Variants in AKR1C3 observed in about 807,000 individuals in gnomAD.
AKR1C3 encodes 3-alpha hydroxysteroid dehydrogenase, type II.
A neutral mutation model predicts 43.6 loss-of-function variants in AKR1C3; 48 were observed. The observed-to-expected ratio is 1.10, with a 90% CI of 0.87 to 1.40. The LOEUF (loss-of-function observed/expected upper bound fraction) is 1.40, where lower values mean the gene tolerates loss of function less well. AKR1C3 is among the 40% of genes most tolerant of loss of function. The pLI, the probability that AKR1C3 is intolerant of heterozygous loss-of-function variation, is 0.00. For missense variants in AKR1C3, 482 were observed against 391.2 expected, an observed-to-expected ratio of 1.23 and a Z score of -1.96; for synonymous variants, 162 against 139.6, an observed-to-expected ratio of 1.16 and a Z score of -1.13.
chr10:5,067,312 A>G (rs1463250105), intron 1 of AKR1C3, among the ~76,000 whole-genome samples: 2 of 152,220 alleles, frequency 1.3e-5, no homozygotes, highest in African/African-American at 2.4e-5. Flanking sequence ...TAACTTGGGA[A>G]AAGATATTCA....
rs1838392056 is a variant in AKR1C3, at chr10:5,061,952, T to C, written c.84+13057T>C. On this transcript the variant is annotated intron_variant, in intron 1 of 8. Transcript: ENST00000439082. ...ATCTAATAAAGCAAACTCTCCAAAATCCCAAAAATCTTTTGGAAACAGTGT... is the reference window on the plus strand; with the variant it reads ...ATCTAATAAAGCAAACTCTCCAAAACCCCAAAAATCTTTTGGAAACAGTGT... Among the ~76,000 whole-genome samples, 5 of 152,192 alleles carry C rather than the reference T, an allele frequency of 3.3e-5. No homozygotes were observed. In the South Asian group the frequency reaches 1.0e-3, roughly 32 times the overall value.
At chr10:5,097,362 C>T (rs1564369012) in intron 2 of AKR1C3, 72 bp from the exon 3 acceptor site, 7 of 1,551,698 alleles carry the variant, frequency 4.5e-6, no homozygotes, top group South Asian at 1.2e-5. Flanking sequence ...TATCTAAATA[C>T]TAGATGGCAC....
At chr10:5,061,139 G>A (rs555092592) in intron 1 of AKR1C3, among the ~76,000 whole-genome samples, 32 of 152,330 alleles carry the variant, frequency 2.1e-4, no homozygotes, top group South Asian at 1.7e-3. Context: ...CAGTGTGGGC[G>A]CCAAGGCCAA....
In AKR1C3 at chr10:5,105,655, C is replaced by T. The variant is rs1554787069; in HGVS notation, c.907C>T (p.Leu303Phe). 1.9e-6 allele frequency: 3 copies of T among 1,613,644 alleles called. No individual in the cohort carries two copies. The highest frequency in any genetic ancestry group is 2.5e-6 in the Non-Finnish European group (3 of 1,179,638). The change falls in exon 8 of 9, where the codon CTC becomes TTC. Residue 303 changes from leucine (L) to phenylalanine (F), a missense_variant. Coordinates refer to ENST00000380554, the MANE Select transcript of AKR1C3 (RefSeq NM_003739.6). ...MKAIDGLDRN[L>F]HYFNSDSFAS... ...AGCCATAGATGGCCTAGACAGAAAT[C>T]TCCACTATTTTAACAGTGATAGGTA...
At chr10:5,075,632 T>C (rs1838700549) in intron 1 of AKR1C3, among the ~76,000 whole-genome samples, 2 of 152,142 alleles carry the variant, frequency 1.3e-5, no homozygotes, top group South Asian at 2.1e-4. Flanking sequence ...CCCAGCACTT[T>C]GGGAGGCTGA....
At chr10:5,085,433 A>G (rs1180774864) in intron 1 of AKR1C3, among the ~76,000 whole-genome samples, 1 of 150,696 alleles carries the variant, frequency 6.6e-6, no homozygotes, top group East Asian at 1.9e-4. Context: ...AGCCCACTTG[A>G]TTATGGTGGA....
upstream of AKR1C3, among the ~76,000 whole-genome samples, chr10:5,091,410 T>G (rs1456186305): frequency 2.6e-5 from 4 of 152,304 alleles, no homozygotes; most frequent in South Asian, 6.2e-4. Context: ...CCTAAACATG[T>G]ATTTTTCAGA....
chr10:5,107,458 C>A lies in AKR1C3; in HGVS notation c.930-3C>A, dbSNP rs1554787510. ...TTTATATTATACATTATTCTCTTTTCAGTTTTGCTAGCCACCCTAATTATC... is the reference window on the plus strand; with the variant it reads ...TTTATATTATACATTATTCTCTTTTAAGTTTTGCTAGCCACCCTAATTATC... On this transcript the variant is annotated splice_polypyrimidine_tract_variant and splice_region_variant and intron_variant, in intron 8 of 8. Coordinates refer to ENST00000380554, the MANE Select transcript of AKR1C3 (RefSeq NM_003739.6). 1 of 1,562,996 alleles carries A rather than the reference C, an allele frequency of 6.4e-7. No homozygotes were observed. Among genetic ancestry groups the A allele is most frequent in the East Asian group, 2.2e-5 (1 of 44,634 alleles).
chr10:5,088,800 T>C (rs1554783626), intron 1 of AKR1C3, among the ~76,000 whole-genome samples: 1 of 152,036 alleles, frequency 6.6e-6, no homozygotes, highest in African/African-American at 2.4e-5. Context: ...AGGTAATTTA[T>C]GCTCAAGGTT....
rs952929797 is a variant in AKR1C3 at position 5,099,410 on chromosome 10, C to T, written c.531C>T (p.Leu177=). 1.2e-6 allele frequency: 2 copies of T among 1,614,178 alleles called. No homozygotes were observed. The highest frequency in any genetic ancestry group is 8.5e-7 in the Non-Finnish European group (1 of 1,180,034). ...ACCGCAGGCAGCTGGAGATGATCCT[C>T]AACAAGCCAGGACTCAAGTACAAGC... ...NFNRRQLEMI[L]NKPGLKYKPV... The change falls in exon 5 of 9, where the codon CTC becomes CTT. Residue 177 remains leucine, a synonymous_variant. Coordinates refer to ENST00000380554, the MANE Select transcript of AKR1C3 (RefSeq NM_003739.6).
At chr10:5,088,881 A>C (rs1462125321) in intron 1 of AKR1C3, among the ~76,000 whole-genome samples, 1 of 152,054 alleles carries the variant, frequency 6.6e-6, no homozygotes, top group East Asian at 1.9e-4. Flanking sequence ...TCAATTGTGC[A>C]ATTACTGTAT....
At chr10:5,061,039 G>C (rs1187254742) in intron 1 of AKR1C3, among the ~76,000 whole-genome samples, 1 of 152,178 alleles carries the variant, frequency 6.6e-6, no homozygotes, top group East Asian at 1.9e-4. Context: ...ACACCTCCCT[G>C]CAAGCTGAGG....
At chr10:5,049,843 T>A (rs572735151) in intron 1 of AKR1C3, among the ~76,000 whole-genome samples, 15 of 152,326 alleles carry the variant, frequency 9.8e-5, no homozygotes, top group Admixed American at 7.2e-4. Context: ...ATTAAAAATA[T>A]TTAGGACTAT....
In AKR1C3 at chr10:5,107,665, A is replaced by C. The variant is rs587658334; in HGVS notation, c.*162A>C. The C allele has an allele frequency of 1.1e-5, 6 of 565,398 alleles. No homozygotes were observed. The highest frequency in any genetic ancestry group is 1.6e-5 in the Non-Finnish European group (5 of 318,898). 35.0% of individuals were successfully genotyped at this position (565,398 alleles called of 1,614,324 possible). A position where few individuals can be genotyped will look rare whatever the true frequency, so the allele number is the denominator to read the frequency against. ...GAGTCCATAGGCCAGAAAGACAATA[A>C]ATTTTTATCATTTTGAAATAATTGA... On this transcript the variant is annotated 3_prime_UTR_variant, in exon 9 of 9. Coordinates refer to ENST00000380554, the MANE Select transcript of AKR1C3 (RefSeq NM_003739.6).
At chr10:5,098,277 C>A in intron 3 of AKR1C3, 1 of 835,848 alleles carries the variant, frequency 1.2e-6, no homozygotes, top group Non-Finnish European at 1.4e-6. Context: ...TTATTGTTGA[C>A]CCAAACTTTT....
At chr10:5,104,516 CT>C (rs1377063153) in intron 7 of AKR1C3, among the ~76,000 whole-genome samples, 1 of 145,872 alleles carries the variant, frequency 6.9e-6, no homozygotes, top group Non-Finnish European at 1.5e-5. Context: ...AATGGTACAA[CT>C]TTTTTTCTAA....
At chr10:5,063,522 G>A (rs1838423948) in intron 1 of AKR1C3, among the ~76,000 whole-genome samples, 1 of 151,712 alleles carries the variant, frequency 6.6e-6, no homozygotes, top group African/African-American at 2.4e-5. Flanking sequence ...GTAGCTGGGA[G>A]CAGTTGTTCA....
chr10:5,097,601 AT>A (rs1356439840), intron 3 of AKR1C3, 51 bp downstream of exon 3: 1 of 1,610,518 alleles, frequency 6.2e-7, no homozygotes, highest in East Asian at 2.2e-5. Flanking sequence ...CATTATAAAC[AT>A]TGTTTATCTG....
At chr10:5,083,678 GT>G (rs1451184306) in intron 1 of AKR1C3, among the ~76,000 whole-genome samples, 1 of 152,124 alleles carries the variant, frequency 6.6e-6, no homozygotes, top group Non-Finnish European at 1.5e-5. Context: ...GGTTGAACTA[GT>G]TTACAGTCCC....
Sources: allele counts gnomAD v4.1 joint callset (sites outside exome capture counted in the v4.1 genomes callset), GRCh38; gene constraint gnomAD v4.1.1; transcripts MANE v1.5; gene names NCBI Gene and HGNC (gene_info 2026-07-23, HGNC 2026-07-21).